The following CDH4 variants were observed in gnomAD, a reference collection of about 807,000 sequenced individuals.
The protein encoded by CDH4 is cadherin 4, also known as cadherin-4.
CDH4 carries 33 observed loss-of-function variants against 86.0 expected under a neutral mutation model. The observed-to-expected ratio is 0.38, with a 90% CI of 0.29 to 0.51. CDH4 has a LOEUF of 0.51. CDH4 is among the 20% of genes least tolerant of loss of function. CDH4 has a pLI of 0.86. For synonymous variants in CDH4, 555 were observed against 549.4 expected (o/e 1.01, Z -0.14); for missense variants, 1,114 against 1,307.4 (o/e 0.85, Z 2.28).
chr20:61,515,283 T>G (rs1439320472), intron 2 of CDH4, among the ~76,000 whole-genome samples: 6 of 152,220 alleles, frequency 3.9e-5, no homozygotes, highest in African/African-American at 1.4e-4. Flanking sequence ...CCTGGGAACC[T>G]GCGGTGAGCA....
chr20:61,921,721 C>T (rs2054984632), intron 9 of CDH4, among the ~76,000 whole-genome samples: 1 of 936 alleles, frequency 1.1e-3, no homozygotes, highest in Non-Finnish European at 0.017. Context: ...CACTGCACTC[C>T]AGCCTGGCAA....
intron 2 of CDH4, among the ~76,000 whole-genome samples, chr20:61,665,579 T>C (rs1386508499): frequency 6.6e-6 from 1 of 152,150 alleles, no homozygotes; most frequent in African/African-American, 2.4e-5. Context: ...ATTCCCCCCA[T>C]GAAGCTCACG....
At chr20:61,337,327 GAT>G (rs1231945377) in intron 2 of CDH4, among the ~76,000 whole-genome samples, 1 of 110 alleles carries the variant, frequency 9.1e-3, no homozygotes, top group Non-Finnish European at 0.021. Context: ...TAATGATGGT[GAT>G]GATAATGATG....
At chr20:61,799,821 G>A (rs1979736674) in intron 4 of CDH4, among the ~76,000 whole-genome samples, 1 of 152,182 alleles carries the variant, frequency 6.6e-6, no homozygotes, top group South Asian at 2.1e-4. Context: ...CTGATGCTCA[G>A]CCCAAAAGGC....
chr20:61,628,713 C>T (rs969993683), intron 2 of CDH4, among the ~76,000 whole-genome samples: 2 of 152,226 alleles, frequency 1.3e-5, no homozygotes, highest in African/African-American at 2.4e-5. Flanking sequence ...GCTAGACTCA[C>T]GCCCACTGAC....
intron 2 of CDH4, among the ~76,000 whole-genome samples, chr20:61,413,719 T>C (rs1231859020): frequency 6.6e-6 from 1 of 152,122 alleles, no homozygotes. Flanking sequence ...CCAGAACTTC[T>C]CTCCCACTGG....
intron 2 of CDH4, among the ~76,000 whole-genome samples, chr20:61,532,994 G>A (rs1393839722): frequency 6.6e-6 from 1 of 152,150 alleles, no homozygotes; most frequent in Non-Finnish European, 1.5e-5. Flanking sequence ...AGGCTCACTG[G>A]TTCCTTGGCC....
intron 2 of CDH4, among the ~76,000 whole-genome samples, chr20:61,741,606 C>T (rs1443947761): frequency 2.0e-5 from 3 of 152,116 alleles, no homozygotes; most frequent in African/African-American, 7.2e-5. Context: ...ATTCTTCTGC[C>T]TCAGCCTCCC....
At chr20:61,748,721 T>C (rs1361960541) in intron 3 of CDH4, among the ~76,000 whole-genome samples, 1 of 152,210 alleles carries the variant, frequency 6.6e-6, no homozygotes, top group African/African-American at 2.4e-5. Flanking sequence ...TTTGCATTTT[T>C]CTCAAAAATG....
chr20:61,774,203 G>T (rs905687958), intron 4 of CDH4, among the ~76,000 whole-genome samples: 7 of 152,190 alleles, frequency 4.6e-5, no homozygotes, highest in African/African-American at 1.4e-4. Flanking sequence ...TCCCTGTCAG[G>T]GGCTCAGCTT....
chr20:61,351,032 G>A (rs2084708925), intron 2 of CDH4, among the ~76,000 whole-genome samples: 1 of 152,058 alleles, frequency 6.6e-6, no homozygotes, highest in African/African-American at 2.4e-5. Flanking sequence ...TGCTGGGGTG[G>A]CAGCTGTGGT....
At chr20:61,290,513 C>CT (rs2084315262) in intron 2 of CDH4, among the ~76,000 whole-genome samples, 6 of 152,178 alleles carry the variant, frequency 3.9e-5, no homozygotes, top group Admixed American at 3.9e-4. Context: ...TCCAATGAGA[C>CT]TTGCTGGGTT....
intron 6 of CDH4, among the ~76,000 whole-genome samples, chr20:61,868,964 G>C (rs934760165): frequency 2.6e-5 from 4 of 152,076 alleles, no homozygotes; most frequent in African/African-American, 9.7e-5. Context: ...GCCTCTAGAC[G>C]TGGCAAACGT....
At chr20:61,926,590 G>A (rs1232632588) in intron 11 of CDH4, among the ~76,000 whole-genome samples, 1 of 152,174 alleles carries the variant, frequency 6.6e-6, no homozygotes, top group Non-Finnish European at 1.5e-5. Context: ...TTGTGAGCCC[G>A]GGCCAGGCCC....
intron 6 of CDH4, among the ~76,000 whole-genome samples, chr20:61,869,500 A>G (rs1198170576): frequency 6.6e-6 from 1 of 152,180 alleles, no homozygotes; most frequent in African/African-American, 2.4e-5. Flanking sequence ...GGTCTAGCAG[A>G]GCTCACTGGA....
chr20:61,597,730 G>A (rs1407156677), intron 2 of CDH4, among the ~76,000 whole-genome samples: 5 of 152,216 alleles, frequency 3.3e-5, no homozygotes, highest in African/African-American at 1.2e-4. Flanking sequence ...GACTCTCACA[G>A]GAGAGGGGCA....
At chr20:61,720,031 T>C (rs1013416024) in intron 2 of CDH4, among the ~76,000 whole-genome samples, 1 of 152,112 alleles carries the variant, frequency 6.6e-6, no homozygotes, top group Non-Finnish European at 1.5e-5. Flanking sequence ...TGCAAGTTCC[T>C]CCCATGTCTC....
chr20:61,446,620 C>T (rs1051596334), intron 2 of CDH4, among the ~76,000 whole-genome samples: 6 of 151,894 alleles, frequency 4.0e-5, no homozygotes, highest in African/African-American at 9.7e-5. Flanking sequence ...CTTGTGCATG[C>T]GTTTTTCACA....
intron 2 of CDH4, among the ~76,000 whole-genome samples, chr20:61,714,326 G>A (rs1251192046): frequency 5.3e-5 from 8 of 152,078 alleles, no homozygotes; most frequent in Admixed American, 2.0e-4. Flanking sequence ...GATTACAGGC[G>A]TGAGCCACCA....
Sources: allele counts gnomAD v4.1 joint callset (sites outside exome capture counted in the v4.1 genomes callset), GRCh38; gene constraint gnomAD v4.1.1; transcripts MANE v1.5; gene names NCBI Gene and HGNC (gene_info 2026-07-23, HGNC 2026-07-21).